FZR1: variants seen among roughly 807,000 people sequenced by gnomAD.
The protein encoded by FZR1 is fizzy and cell division cycle 20 related 1.
In FZR1, 11 loss-of-function variants were observed where a neutral mutation model predicts 63.6. That is an observed-to-expected ratio of 0.17 (90% CI 0.11 to 0.29). The LOEUF is 0.29. Ranked by LOEUF, FZR1 falls within the 10% of genes least tolerant of loss-of-function variation. The pLI, the probability that FZR1 is intolerant of heterozygous loss-of-function variation, is 1.00. For missense variants in FZR1, 440 were observed against 687.5 expected, an observed-to-expected ratio of 0.64 and a Z score of 4.03; for synonymous variants, 328 against 297.9, an observed-to-expected ratio of 1.10 and a Z score of -1.04.
intron 6 of FZR1, 129 bp downstream of exon 6, chr19:3,527,191 AG>A: frequency 1.3e-6 from 1 of 770,436 alleles, no homozygotes. Context: ...GGGGCTTCCC[AG>A]GGCATAGTGG....
chr19:3,530,653 TGTGGATGGGAGA>T (rs2083237685), intron 7 of FZR1, 127 bp from the exon 8 acceptor site: 4 of 644,926 alleles, frequency 6.2e-6, no homozygotes, highest in South Asian at 1.8e-5. Context: ...TGGATGGGAC[TGTGGATGGGAGA>T]GTGGATGAGA....
rs1249535233 is a variant in FZR1 at position 3,533,171 on chromosome 19, C to G, written c.1243-123C>G. The G allele has an allele frequency of 2.7e-5, 19 of 693,082 alleles. No individual in the cohort carries two copies. Among genetic ancestry groups the G allele is most frequent in the Non-Finnish European group, 3.9e-5 (15 of 383,532 alleles). The allele number at this position is 693,082 out of a possible 1,614,324, so 42.9% of individuals were successfully genotyped here. ...GAGCCACATCCCAGCATCCCCTGCTCCTCCTGGGCTGGCTGGCGGCTCTGA... is the reference window on the plus strand; with the variant it reads ...GAGCCACATCCCAGCATCCCCTGCTGCTCCTGGGCTGGCTGGCGGCTCTGA... On this transcript the variant is annotated intron_variant, in intron 11 of 13. Transcript: ENST00000441788. This position sits in a 1 kb window ranked among gnomAD's most constrained non-coding sequence, Gnocchi z 4.9.
chr19:3,522,907 C>T (rs2083116064), intron 1 of FZR1, 49 bp from the exon 2 acceptor site: 19 of 963,508 alleles, frequency 2.0e-5, no homozygotes, highest in Admixed American at 1.2e-4. Flanking sequence ...CCGTGGTCTC[C>T]GGGCAGCCGG....
chr19:3,515,983 G>A lies in FZR1; in HGVS notation c.-34-6973G>A, dbSNP rs79061631. 0.017 allele frequency among the ~76,000 whole-genome samples: 2,588 copies of A among 152,178 alleles called. 83 individuals carry two copies. The highest frequency in any genetic ancestry group is 0.059 in the African/African-American group (2,464 of 41,504). ...CGCTCCCTGTCTGATGGCCTCTTGCGTCTTCCACTCTGACTAGCTGCCGCA... is the reference window on the plus strand; with the variant it reads ...CGCTCCCTGTCTGATGGCCTCTTGCATCTTCCACTCTGACTAGCTGCCGCA... On this transcript the variant is annotated intron_variant, in intron 1 of 13. Transcript: ENST00000441788. This position sits in a 1 kb window ranked among gnomAD's most constrained non-coding sequence, Gnocchi z 4.6.
chr19:3,534,792 C>CAGG lies in FZR1; in HGVS notation c.1441_1443dup. On this transcript the variant is annotated splice_region_variant and splice_polypyrimidine_tract_variant and intron_variant, in intron 13 of 13. Coordinates refer to ENST00000441788, the MANE Select transcript of FZR1 (RefSeq NM_016263.4). ...CGCATCTGCCATCCCCATGTGTCTG[C>CAGG]AGGAGTCTGTGTCTGTGCTCAACCT... The CAGG allele has an allele frequency of 6.2e-7, 1 of 1,612,524 alleles. No individual in the cohort carries two copies.
rs2083280568 is a variant in FZR1 at position 3,534,781 on chromosome 19, C to T, written c.1441-14C>T. 3 of 1,611,984 alleles carry T rather than the reference C, an allele frequency of 1.9e-6. No homozygotes were observed. The highest frequency in any genetic ancestry group is 2.2e-5 in the East Asian group (1 of 44,870). ...CTGCGGCTCAGCGCATCTGCCATCC[C>T]CATGTGTCTGCAGGAGTCTGTGTCT... On this transcript the variant is annotated splice_polypyrimidine_tract_variant and intron_variant, in intron 13 of 13. Coordinates refer to ENST00000441788, the MANE Select transcript of FZR1 (RefSeq NM_016263.4).
Position 3,526,832 on chromosome 19 carries a change from A to C in FZR1, c.388-148A>C, listed in dbSNP as rs966487371. On this transcript the variant is annotated intron_variant, in intron 5 of 13. Coordinates refer to ENST00000441788, the MANE Select transcript of FZR1 (RefSeq NM_016263.4). This position sits in a 1 kb window ranked among gnomAD's most constrained non-coding sequence, Gnocchi z 5.4. ...GGGGGGTCCGCAGTCCCCGCCAGGA[A>C]GGCGCCTGCCTTTTTACAGCTGCTC... 3.0e-5 allele frequency: 19 copies of C among 630,588 alleles called. 1 individual carries two copies. The African/African-American group carries it at 3.5e-4, about 12-fold the overall frequency. 39.1% of individuals were successfully genotyped at this position (630,588 alleles called of 1,614,324 possible). A position where few individuals can be genotyped will look rare whatever the true frequency, so the allele number is the denominator to read the frequency against.
rs200839529 is a variant in FZR1, at chr19:3,533,428, C to T, written c.1347+30C>T. 9.9e-6 allele frequency: 14 copies of T among 1,416,888 alleles called. No homozygotes were observed. Among genetic ancestry groups the T allele is most frequent in the African/African-American group, 8.4e-5 (6 of 71,146 alleles). 87.8% of individuals were successfully genotyped at this position (1,416,888 alleles called of 1,614,324 possible). ...GTTCACGCCAGGCACTTCAAGGTGC[C>T]CCGGGATTCTGGACAAACTGCCATG... On this transcript the variant is annotated intron_variant, in intron 12 of 13. Transcript: ENST00000441788. The surrounding 1 kb of genome is among the most constrained non-coding windows in gnomAD (Gnocchi z 4.9).
chr19:3,509,845 C>G (rs1302212085), intron 1 of FZR1, among the ~76,000 whole-genome samples: 1 of 152,172 alleles, frequency 6.6e-6, no homozygotes, highest in Admixed American at 6.5e-5. Flanking sequence ...TTGTGCGTCT[C>G]CTTATTCAGT....
rs1217767503 is a variant in FZR1 at position 3,529,713 on chromosome 19, CGGATGGGAGAGT to C, written c.655-1059_655-1048del. 4.8e-3 allele frequency among the ~76,000 whole-genome samples: 613 copies of C among 126,644 alleles called. 14 individuals carry two copies. Among genetic ancestry groups the C allele is most frequent in the African/African-American group, 0.013 (430 of 33,636 alleles). 83.1% of individuals were successfully genotyped at this position (126,644 alleles called of 152,430 possible). A position where few individuals can be genotyped will look rare whatever the true frequency, so the allele number is the denominator to read the frequency against. The stretch of plus-strand genomic sequence containing the variant: ...GTGGATGGTTGAGCGGATGGGAGAG[CGGATGGGAGAGT>C]GGATGGGAGAGTGGATGGGTGAGCG... On this transcript the variant is annotated intron_variant, in intron 7 of 13. Transcript: ENST00000441788.
At position 3,534,853 on chromosome 19, in the gene FZR1, C is replaced by T. The variant is rs1052938870; in HGVS notation, c.*17C>T. On this transcript the variant is annotated 3_prime_UTR_variant, in exon 14 of 14. Transcript: ENST00000441788. ...ATCCGGTAAACCTGCCGGGCAGGAC[C>T]GTGCCACACCAGCTGTCCAGAGTCG... The T allele has an allele frequency of 1.4e-5, 23 of 1,604,182 alleles. No individual in the cohort carries two copies. Among genetic ancestry groups the T allele is most frequent in the East Asian group, 2.2e-5 (1 of 44,816 alleles).
chr19:3,532,942 GC>G (rs2083262747), intron 11 of FZR1, among the ~76,000 whole-genome samples: 1 of 152,030 alleles, frequency 6.6e-6, no homozygotes, highest in Admixed American at 6.5e-5. Context: ...TAGAGGGGAG[GC>G]CCAGGATGAA....
rs2083061409 is a variant in FZR1 at position 3,516,694 on chromosome 19, G to A, written c.-34-6262G>A. ...TGTGCACCCCTGCCCTCACTGCAGG[G>A]ACAGACAGGAGCTGGGTCTCAGGCT... On this transcript the variant is annotated intron_variant, in intron 1 of 13. Transcript: ENST00000441788. This position sits in a 1 kb window ranked among gnomAD's most constrained non-coding sequence, Gnocchi z 6.0. Among the ~76,000 whole-genome samples the A allele has an allele frequency of 6.6e-6, 1 of 152,248 alleles. No individual in the cohort carries two copies. Among genetic ancestry groups the A allele is most frequent in the Non-Finnish European group, 1.5e-5 (1 of 68,040 alleles).
chr19:3,526,488 G>C lies in FZR1; in HGVS notation c.387+102G>C, dbSNP rs985381245. On this transcript the variant is annotated intron_variant, in intron 5 of 13. Coordinates refer to ENST00000441788, the MANE Select transcript of FZR1 (RefSeq NM_016263.4). This position sits in a 1 kb window ranked among gnomAD's most constrained non-coding sequence, Gnocchi z 5.4. ...CTCTGCCTCCCCGAGCCCGGTTCTC[G>C]GGCCCAGCCACGGCTCAGCACCCCC... The C allele has an allele frequency of 1.1e-5, 11 of 970,700 alleles. No individual in the cohort carries two copies. The Admixed American group carries it at 2.0e-4, about 17-fold the overall frequency. The allele number at this position is 970,700 out of a possible 1,614,324, so 60.1% of individuals were successfully genotyped here. A position where few individuals can be genotyped will look rare whatever the true frequency, so the allele number is the denominator to read the frequency against.
At chr19:3,534,659 G>T in intron 13 of FZR1, 136 bp from the exon 14 acceptor site, 1 of 906,680 alleles carries the variant, frequency 1.1e-6, no homozygotes, top group Non-Finnish European at 1.8e-6. Context: ...CATGTGTCGG[G>T]GCAGTGTGGC....
At chr19:3,518,519 G>A (rs2083075448) in intron 1 of FZR1, among the ~76,000 whole-genome samples, 1 of 152,130 alleles carries the variant, frequency 6.6e-6, no homozygotes, top group African/African-American at 2.4e-5. Flanking sequence ...TGGAGCAGGG[G>A]CAGTGCTGGC....
chr19:3,532,972 C>A (rs1037858138), intron 11 of FZR1, among the ~76,000 whole-genome samples: 1 of 151,826 alleles, frequency 6.6e-6, no homozygotes, highest in Non-Finnish European at 1.5e-5. Context: ...CACTGAGCAC[C>A]CTGGCCTGCT....
rs1351148753 is a variant in FZR1 at position 3,515,533 on chromosome 19, C to G, written c.-34-7423C>G. Reference sequence around the variant, plus strand: ...CTTGTAATCCCAGCACTTTGGGAGGCCGAGGCGGGCGGATCACAAGGTCAG... The same window carrying G: ...CTTGTAATCCCAGCACTTTGGGAGGGCGAGGCGGGCGGATCACAAGGTCAG... On this transcript the variant is annotated intron_variant, in intron 1 of 13. Coordinates refer to ENST00000441788, the MANE Select transcript of FZR1 (RefSeq NM_016263.4). The surrounding 1 kb of genome is among the most constrained non-coding windows in gnomAD (Gnocchi z 4.6). 1.3e-5 allele frequency among the ~76,000 whole-genome samples: 2 copies of G among 152,100 alleles called. No individual in the cohort carries two copies. The highest frequency in any genetic ancestry group is 2.4e-5 in the African/African-American group (1 of 41,408).
At chr19:3,513,898 T>C (rs1467816578) in intron 1 of FZR1, among the ~76,000 whole-genome samples, 3 of 152,034 alleles carry the variant, frequency 2.0e-5, no homozygotes, top group Non-Finnish European at 4.4e-5. Flanking sequence ...CCTCAACACA[T>C]GAGTCATAAA....
Sources: gnomAD v4.1 joint callset for allele counts (sites outside exome capture counted in the v4.1 genomes callset) on GRCh38, gnomAD v4.1.1 for gene constraint, Gnocchi (gnomAD v3.1) non-coding constraint, MANE v1.5 for transcripts, NCBI Gene and HGNC (gene_info 2026-07-23, HGNC 2026-07-21) for gene names.